Variants in CNGB3 observed in about 807,000 individuals in gnomAD.
The protein encoded by CNGB3 is cyclic nucleotide gated channel subunit beta 3.
CNGB3 carries 86 observed loss-of-function variants against 92.8 expected under a neutral mutation model. The observed-to-expected ratio is 0.93, with a 90% CI of 0.78 to 1.11. CNGB3 has a LOEUF of 1.11. Ranked by LOEUF, CNGB3 falls within the 50% of genes least tolerant of loss-of-function variation. The pLI is 0.00. For missense variants in CNGB3, 1,026 were observed against 956.8 expected (o/e 1.07, Z -0.95); for synonymous variants, 333 against 332.7 (o/e 1.00, Z -0.01).
At chr8:86,728,521 T>C (rs912895394) in intron 2 of CNGB3, among the ~76,000 whole-genome samples, 10 of 152,230 alleles carry the variant, frequency 6.6e-5, no homozygotes, top group African/African-American at 2.4e-4. Flanking sequence ...AAATTTCCAT[T>C]TTGTATTGCT....
chr8:86,606,430 C>T (rs977061781), intron 14 of CNGB3, among the ~76,000 whole-genome samples: 4 of 151,948 alleles, frequency 2.6e-5, no homozygotes, highest in African/African-American at 7.3e-5. Context: ...GAATTACAGT[C>T]GTGAGCCACT....
chr8:86,580,101 T>C (rs1436428515), intron 15 of CNGB3, among the ~76,000 whole-genome samples: 1 of 148,126 alleles, frequency 6.8e-6, no homozygotes, highest in Non-Finnish European at 1.5e-5. Flanking sequence ...ACATCTTATA[T>C]GGCAGCAGGA....
At chr8:86,695,908 T>G (rs1824440753) in intron 3 of CNGB3, among the ~76,000 whole-genome samples, 1 of 152,068 alleles carries the variant, frequency 6.6e-6, no homozygotes, top group Admixed American at 6.6e-5. Flanking sequence ...ACAGTGATTG[T>G]TATTGTTCTT....
chr8:86,668,334 C>CG (rs1563747996), intron 4 of CNGB3, among the ~76,000 whole-genome samples, 166 bp from the exon 5 acceptor site: 1 of 58,488 alleles, frequency 1.7e-5, no homozygotes, highest in African/African-American at 7.0e-5. Flanking sequence ...TGGGGTCTAT[C>CG]GGGGGGTGGG....
chr8:86,580,617 G>T (rs935677180), intron 15 of CNGB3, among the ~76,000 whole-genome samples: 1 of 152,168 alleles, frequency 6.6e-6, no homozygotes, highest in Non-Finnish European at 1.5e-5. Context: ...GTCTTGGAGG[G>T]ATATAAAAGA....
chr8:86,647,681 G>T, intron 8 of CNGB3, 120 bp downstream of exon 8: 2 of 661,852 alleles, frequency 3.0e-6, no homozygotes, highest in South Asian at 1.8e-5. Context: ...AGAAGAGTTT[G>T]GGAAAAATTA....
chr8:86,726,466 T>G, intron 3 of CNGB3, 65 bp downstream of exon 3: 13 of 1,605,080 alleles, frequency 8.1e-6, no homozygotes, highest in Admixed American at 5.0e-5. Flanking sequence ...AGTGGATATT[T>G]GAGCTCTTTA....
At chr8:86,627,042 TC>T (rs1263692496) in intron 12 of CNGB3, among the ~76,000 whole-genome samples, 1 of 151,928 alleles carries the variant, frequency 6.6e-6, no homozygotes, top group Admixed American at 6.6e-5. Flanking sequence ...TCACGTTTGT[TC>T]CCCTCCAGAA....
intron 14 of CNGB3, among the ~76,000 whole-genome samples, chr8:86,608,811 A>G (rs1822462882): frequency 1.3e-5 from 2 of 152,066 alleles, no homozygotes; most frequent in African/African-American, 4.8e-5. Context: ...CTTACCTATC[A>G]TTGGAGATGA....
intron 2 of CNGB3, among the ~76,000 whole-genome samples, chr8:86,730,811 G>A (rs1825143594): frequency 6.6e-6 from 1 of 152,082 alleles, no homozygotes; most frequent in Non-Finnish European, 1.5e-5. Flanking sequence ...TATCTTTGTA[G>A]ATTGTCAAAC....
intron 3 of CNGB3, chr8:86,704,510 G>A (rs1824616528): frequency 6.6e-6 from 1 of 152,168 alleles, no homozygotes; most frequent in African/African-American, 2.4e-5. Context: ...GGCTGTAATG[G>A]AAATGGAAAA....
chr8:86,651,205 A>C (rs946910299), intron 7 of CNGB3, among the ~76,000 whole-genome samples: 1 of 151,590 alleles, frequency 6.6e-6, no homozygotes, highest in Non-Finnish European at 1.5e-5. Context: ...ACTGGATACA[A>C]TGTACACTAC....
chr8:86,599,432 C>T (rs914299234), intron 15 of CNGB3, among the ~76,000 whole-genome samples: 4 of 152,196 alleles, frequency 2.6e-5, no homozygotes, highest in African/African-American at 9.7e-5. Context: ...AACAGGATAA[C>T]AGCAATGTTC....
At chr8:86,700,968 A>G (rs1244603896) in intron 3 of CNGB3, among the ~76,000 whole-genome samples, 2 of 152,180 alleles carry the variant, frequency 1.3e-5, no homozygotes, top group African/African-American at 4.8e-5. Flanking sequence ...ATCATTCCCA[A>G]TCTTAATAGT....
At chr8:86,600,776 A>ATTTTTTTTTTTTT (rs533111246) in intron 15 of CNGB3, among the ~76,000 whole-genome samples, 2 of 38,400 alleles carry the variant, frequency 5.2e-5, no homozygotes, top group African/African-American at 9.3e-5. Flanking sequence ...CGCTCGGCTA[A>ATTTTTTTTTTTTT]TTTTTTTTTT....
At chr8:86,690,681 T>G (rs1292030225) in intron 3 of CNGB3, among the ~76,000 whole-genome samples, 1 of 152,158 alleles carries the variant, frequency 6.6e-6, no homozygotes, top group Non-Finnish European at 1.5e-5. Context: ...CTAGGGTTTT[T>G]ATGGTTTTAG....
At chr8:86,727,738 C>T (rs1825086119) in intron 2 of CNGB3, among the ~76,000 whole-genome samples, 1 of 152,050 alleles carries the variant, frequency 6.6e-6, no homozygotes, top group Admixed American at 6.5e-5. Flanking sequence ...TCCACAGCTT[C>T]TAACATTTTT....
intron 9 of CNGB3, 70 bp downstream of exon 9, chr8:86,644,552 C>A: frequency 6.4e-7 from 1 of 1,567,704 alleles, no homozygotes; most frequent in South Asian, 1.1e-5. Context: ...CATATCCCTG[C>A]CAAATTCCGT....
chr8:86,612,343 G>A (rs971725613), intron 13 of CNGB3, among the ~76,000 whole-genome samples: 1 of 152,072 alleles, frequency 6.6e-6, no homozygotes, highest in Non-Finnish European at 1.5e-5. Context: ...AAAATCTTTA[G>A]GTGCTACAAA....
Sources: gnomAD v4.1 joint callset for allele counts (sites outside exome capture counted in the v4.1 genomes callset) on GRCh38, gnomAD v4.1.1 for gene constraint, MANE v1.5 for transcripts, NCBI Gene and HGNC (gene_info 2026-07-23, HGNC 2026-07-21) for gene names.